DPP10: variants seen among roughly 807,000 people sequenced by gnomAD.
DPP10 encodes inactive dipeptidyl peptidase 10.
In DPP10, 33 loss-of-function variants were observed where a neutral mutation model predicts 120.9. The observed-to-expected ratio is 0.27, with a 90% CI of 0.21 to 0.37. The LOEUF (loss-of-function observed/expected upper bound fraction) is 0.37. DPP10 is among the 10% of genes least tolerant of loss of function. The pLI is 1.00. For missense variants in DPP10, 816 were observed against 942.8 expected (o/e 0.87, Z 1.76); for synonymous variants, 337 against 326.1 (o/e 1.03, Z -0.36).
At chr2:115,505,715 C>T (rs13003256) in intron 4 of DPP10, among the ~76,000 whole-genome samples, 32,267 of 151,962 alleles carry the variant, frequency 0.21, 3,940 homozygotes, top group East Asian at 0.39. Context: ...TTTAAAAATA[C>T]TGGCCAAAGG....
At chr2:114,711,641 G>A (rs1000931704) in intron 1 of DPP10, among the ~76,000 whole-genome samples, 2 of 152,148 alleles carry the variant, frequency 1.3e-5, no homozygotes, top group Non-Finnish European at 2.9e-5. Flanking sequence ...ACTAATAGAA[G>A]AACCAACCTG....
chr2:115,162,616 C>A (rs1391433676), intron 1 of DPP10, among the ~76,000 whole-genome samples: 1 of 152,062 alleles, frequency 6.6e-6, no homozygotes, highest in African/African-American at 2.4e-5. Context: ...GCTTGGGGAG[C>A]GGCGAGGCAT....
At chr2:115,291,611 A>C (rs551581549) in intron 1 of DPP10, among the ~76,000 whole-genome samples, 19 of 152,152 alleles carry the variant, frequency 1.2e-4, no homozygotes, top group South Asian at 8.3e-4. Flanking sequence ...CATTTTTTTC[A>C]TCACTACCTT....
At chr2:115,122,029 CA>C (rs2104741290) in intron 1 of DPP10, among the ~76,000 whole-genome samples, 2 of 152,234 alleles carry the variant, frequency 1.3e-5, no homozygotes, top group East Asian at 3.9e-4. Context: ...ACTATATGTG[CA>C]GAAAGAACAA....
At chr2:114,696,314 T>C (rs1700063457) in intron 1 of DPP10, among the ~76,000 whole-genome samples, 1 of 152,086 alleles carries the variant, frequency 6.6e-6, no homozygotes, top group East Asian at 1.9e-4. Flanking sequence ...TAAAATGATC[T>C]GAAATCCAGG....
intron 22 of DPP10, 83 bp downstream of exon 22, chr2:115,836,339 C>T (rs1689525065): frequency 1.1e-5 from 15 of 1,401,840 alleles, no homozygotes; most frequent in Non-Finnish European, 1.5e-5. Context: ...CTCAATTGAG[C>T]TCATTTATCA....
chr2:115,592,847 T>A (rs959626670), intron 5 of DPP10, among the ~76,000 whole-genome samples: 1 of 152,084 alleles, frequency 6.6e-6, no homozygotes, highest in Non-Finnish European at 1.5e-5. Flanking sequence ...AGAGGCAAAA[T>A]TTTTCCCCAA....
intron 19 of DPP10, among the ~76,000 whole-genome samples, chr2:115,808,542 C>T (rs748501224): frequency 6.6e-6 from 1 of 152,106 alleles, no homozygotes; most frequent in Non-Finnish European, 1.5e-5. Flanking sequence ...TCATTTAATC[C>T]CTGCCATAAC....
At chr2:115,327,919 G>A (rs747285904) in intron 2 of DPP10, among the ~76,000 whole-genome samples, 1 of 151,982 alleles carries the variant, frequency 6.6e-6, no homozygotes, top group Non-Finnish European at 1.5e-5. Flanking sequence ...GGTGCCTGGA[G>A]TTTTATCAAC....
chr2:115,713,304 G>C (rs1276608243), intron 7 of DPP10, among the ~76,000 whole-genome samples: 2 of 152,132 alleles, frequency 1.3e-5, no homozygotes, highest in African/African-American at 4.8e-5. Flanking sequence ...ATTGAATTGA[G>C]AGTAGAGGTA....
intron 1 of DPP10, among the ~76,000 whole-genome samples, chr2:114,748,475 C>T (rs1678856584): frequency 2.1e-5 from 3 of 139,812 alleles, no homozygotes; most frequent in South Asian, 4.6e-4. Flanking sequence ...CATATGTTTA[C>T]ATGTGCCATG....
intron 1 of DPP10, among the ~76,000 whole-genome samples, chr2:115,264,754 T>C (rs1198929257): frequency 6.6e-6 from 1 of 152,222 alleles, no homozygotes; most frequent in African/African-American, 2.4e-5. Context: ...TTAAGAAAGA[T>C]GATGCTGTTT....
chr2:115,367,940 TAAAG>T (rs1447628122), intron 3 of DPP10, among the ~76,000 whole-genome samples: 1 of 152,110 alleles, frequency 6.6e-6, no homozygotes, highest in African/African-American at 2.4e-5. Flanking sequence ...GTTTAGGAAT[TAAAG>T]AAACCTTGTC....
intron 1 of DPP10, among the ~76,000 whole-genome samples, chr2:114,620,216 G>C (rs1693989136): frequency 6.6e-6 from 1 of 151,800 alleles, no homozygotes; most frequent in African/African-American, 2.4e-5. Context: ...TCATCAACAG[G>C]CATATATGTT....
intron 1 of DPP10, among the ~76,000 whole-genome samples, chr2:114,948,510 A>C (rs573708366): frequency 3.3e-5 from 5 of 152,142 alleles, no homozygotes; most frequent in Non-Finnish European, 7.3e-5. Flanking sequence ...CAATCTGGGA[A>C]AATGTGAAAA....
intron 3 of DPP10, among the ~76,000 whole-genome samples, chr2:115,424,349 A>G (rs2070259753): frequency 6.6e-6 from 1 of 152,094 alleles, no homozygotes; most frequent in Non-Finnish European, 1.5e-5. Context: ...TTATTATAAA[A>G]TAATGATTGG....
At chr2:115,286,540 T>TATATATATAA (rs1559367032) in intron 1 of DPP10, among the ~76,000 whole-genome samples, 2 of 107,334 alleles carry the variant, frequency 1.9e-5, no homozygotes, top group South Asian at 2.7e-4. Context: ...TATATATATA[T>TATATATATAA]AAAATATATA....
chr2:115,728,372 T>C (rs764229545), intron 8 of DPP10, among the ~76,000 whole-genome samples: 6 of 152,014 alleles, frequency 3.9e-5, no homozygotes, highest in Non-Finnish European at 8.8e-5. Context: ...TTATAAGCTA[T>C]TGCAGAGGGA....
chr2:114,535,374 T>C (rs147263661), intron 1 of DPP10, among the ~76,000 whole-genome samples: 115 of 152,342 alleles, frequency 7.5e-4, no homozygotes, highest in Admixed American at 1.4e-3. Context: ...TGGGTAATAA[T>C]GGTAATTAGC....
Sources: allele counts gnomAD v4.1 joint callset (sites outside exome capture counted in the v4.1 genomes callset), GRCh38; gene constraint gnomAD v4.1.1; transcripts MANE v1.5; gene names NCBI Gene and HGNC (gene_info 2026-07-23, HGNC 2026-07-21).